LRFN2: variants seen among roughly 807,000 people sequenced by gnomAD.
LRFN2 encodes the protein leucine rich repeat and fibronectin type III domain containing 2.
A neutral mutation model predicts 37.3 loss-of-function variants in LRFN2; 18 were observed. That is an observed-to-expected ratio of 0.48 (90% confidence interval 0.33 to 0.72). The LOEUF is 0.72. LRFN2 is among the 30% of genes least tolerant of loss of function. The pLI is 0.02. For synonymous variants in LRFN2, 556 were observed against 466.6 expected, an observed-to-expected ratio of 1.19 and a Z score of -2.47; for missense variants, 1,006 against 1,060.7, an observed-to-expected ratio of 0.95 and a Z score of 0.72.
intron 2 of LRFN2, among the ~76,000 whole-genome samples, chr6:40,409,865 G>A (rs543383957): frequency 5.9e-5 from 9 of 152,252 alleles, no homozygotes; most frequent in African/African-American, 1.9e-4. Flanking sequence ...CTGGGCATCC[G>A]GCTGCTGAGT....
intron 2 of LRFN2, among the ~76,000 whole-genome samples, chr6:40,403,326 T>G (rs201326335): frequency 1.8e-4 from 27 of 152,040 alleles, no homozygotes; most frequent in Non-Finnish European, 1.5e-5. Flanking sequence ...GGGAAGCACA[T>G]GTCTGCTCTT....
chr6:40,479,184 G>T (rs981393282), intron 1 of LRFN2, among the ~76,000 whole-genome samples: 1 of 152,146 alleles, frequency 6.6e-6, no homozygotes, highest in Non-Finnish European at 1.5e-5. Flanking sequence ...AGAATGCTTG[G>T]TACCCAGCAC....
intron 1 of LRFN2, among the ~76,000 whole-genome samples, chr6:40,550,882 G>A (rs143146898): frequency 3.3e-5 from 5 of 152,320 alleles, no homozygotes; most frequent in African/African-American, 4.8e-5. Flanking sequence ...GCGTCTCCCC[G>A]CGGGCATGGG....
At chr6:40,576,250 C>T (rs569243375) in intron 1 of LRFN2, among the ~76,000 whole-genome samples, 1 of 152,058 alleles carries the variant, frequency 6.6e-6, no homozygotes, top group Admixed American at 6.6e-5. Context: ...GCAGCATAAG[C>T]CTAATTCCAT....
intron 1 of LRFN2, among the ~76,000 whole-genome samples, chr6:40,441,225 G>A (rs1180680240): frequency 1.3e-5 from 2 of 152,188 alleles, no homozygotes; most frequent in African/African-American, 2.4e-5. Flanking sequence ...AGACACGTGT[G>A]AGCCAATGTG....
intron 1 of LRFN2, among the ~76,000 whole-genome samples, chr6:40,487,724 G>C (rs540332763): frequency 6.6e-6 from 1 of 152,334 alleles, no homozygotes; most frequent in Non-Finnish European, 1.5e-5. Context: ...AGTGTAAAAA[G>C]ATACATGTCA....
intron 1 of LRFN2, among the ~76,000 whole-genome samples, chr6:40,556,039 C>G (rs2894430): frequency 0.47 from 72,026 of 151,926 alleles, 18,101 homozygotes; most frequent in African/African-American, 0.64. Context: ...TCCAGGCACA[C>G]GCCGACCGTC....
chr6:40,582,824 T>C (rs774453597), intron 1 of LRFN2, among the ~76,000 whole-genome samples: 1 of 152,046 alleles, frequency 6.6e-6, no homozygotes, highest in East Asian at 1.9e-4. Flanking sequence ...GCCCAGAACA[T>C]AGCTATTTTT....
chr6:40,548,190 A>G (rs1308594690), intron 1 of LRFN2, among the ~76,000 whole-genome samples: 3 of 152,190 alleles, frequency 2.0e-5, no homozygotes, highest in African/African-American at 7.2e-5. Flanking sequence ...CTATAATCCC[A>G]GCACTTTGGG....
intron 1 of LRFN2, among the ~76,000 whole-genome samples, chr6:40,486,863 C>A (rs1359490339): frequency 6.6e-6 from 1 of 152,172 alleles, no homozygotes; most frequent in Admixed American, 6.5e-5. Context: ...GTATGACTTC[C>A]TTCTGAGATG....
At position 40,433,603 on chromosome 6, in the gene LRFN2, G is replaced by C. The variant is rs563621949; in HGVS notation, c.-18-472C>G. On this transcript the variant is annotated intron_variant, in intron 1 of 2. Transcript: ENST00000338305. ...ATAATTGAGTTTGAAAGGATATTATGGCTGTTTTTTGAGGCATAATTTTAC... is the reference window on the plus strand; with the variant it reads ...ATAATTGAGTTTGAAAGGATATTATCGCTGTTTTTTGAGGCATAATTTTAC... Among the ~76,000 whole-genome samples, 24 of 152,304 alleles carry C rather than the reference G, an allele frequency of 1.6e-4. No homozygotes were observed. The South Asian group carries it at 4.4e-3, about 28-fold the overall frequency.
chr6:40,447,024 C>G (rs551142827), intron 1 of LRFN2, among the ~76,000 whole-genome samples: 2 of 151,574 alleles, frequency 1.3e-5, no homozygotes, highest in African/African-American at 4.9e-5. Flanking sequence ...GGCTGCGTCT[C>G]CCCTCAGACT....
intron 1 of LRFN2, among the ~76,000 whole-genome samples, chr6:40,516,852 C>G (rs1765892730): frequency 6.6e-6 from 1 of 152,138 alleles, no homozygotes; most frequent in Non-Finnish European, 1.5e-5. Flanking sequence ...TCATTCTCAT[C>G]TAAGAAAGGG....
rs75437153 is a variant in LRFN2, at chr6:40,467,894, T to C, written c.-18-34763A>G. 4.1e-3 allele frequency among the ~76,000 whole-genome samples: 627 copies of C among 152,182 alleles called. 3 individuals are homozygous for C. Among genetic ancestry groups the C allele is most frequent in the Middle Eastern group, 0.01 (3 of 294 alleles). Reference sequence around the variant, plus strand: ...GGAGCCAAATATGACTTCCTGTGTCTCCTAGTATGATGGAAGAGACCTAGT... The same window carrying C: ...GGAGCCAAATATGACTTCCTGTGTCCCCTAGTATGATGGAAGAGACCTAGT... On this transcript the variant is annotated intron_variant, in intron 1 of 2. Transcript: ENST00000338305.
At chr6:40,483,583 A>C (rs1335183710) in intron 1 of LRFN2, among the ~76,000 whole-genome samples, 1 of 152,310 alleles carries the variant, frequency 6.6e-6, no homozygotes, top group African/African-American at 2.4e-5. Context: ...AGTTTTTCAC[A>C]AATCAGCCCA....
chr6:40,425,191 C>T (rs758892759), intron 2 of LRFN2, among the ~76,000 whole-genome samples: 3 of 152,170 alleles, frequency 2.0e-5, no homozygotes, highest in Non-Finnish European at 4.4e-5. Flanking sequence ...AGATAGGGCG[C>T]GACAGGGGCT....
intron 1 of LRFN2, among the ~76,000 whole-genome samples, chr6:40,512,307 A>T (rs1581764939): frequency 6.6e-6 from 1 of 152,184 alleles, no homozygotes; most frequent in East Asian, 1.9e-4. Context: ...ACACTGCCAC[A>T]TTCTGTCAAT....
intron 1 of LRFN2, among the ~76,000 whole-genome samples, chr6:40,538,603 C>T (rs1766495715): frequency 6.6e-6 from 1 of 152,264 alleles, no homozygotes; most frequent in African/African-American, 2.4e-5. Context: ...CCACCATAAA[C>T]CCCAATCATT....
At chr6:40,504,897 C>T (rs1193820787) in intron 1 of LRFN2, among the ~76,000 whole-genome samples, 1 of 152,256 alleles carries the variant, frequency 6.6e-6, no homozygotes, top group Admixed American at 6.5e-5. Flanking sequence ...ACCAGGGTCA[C>T]TCTACCTGAG....
Sources: gnomAD v4.1 joint callset for allele counts (sites outside exome capture counted in the v4.1 genomes callset) on GRCh38, gnomAD v4.1.1 for gene constraint, MANE v1.5 for transcripts, NCBI Gene and HGNC (gene_info 2026-07-23, HGNC 2026-07-21) for gene names.